PLXNC1: variants seen among roughly 807,000 people sequenced by gnomAD.
The protein encoded by PLXNC1 is plexin C1, also known as plexin-C1.
A neutral mutation model predicts 178.2 loss-of-function variants in PLXNC1; 75 were observed. The ratio of observed to expected loss-of-function variants is 0.42; its 90% CI spans 0.35 to 0.51. The LOEUF (loss-of-function observed/expected upper bound fraction) is 0.51, where lower values mean the gene tolerates loss of function less well. Among genes scored for constraint, PLXNC1 ranks in the 20% least tolerant of loss-of-function variants. The pLI is 0.02. For missense variants in PLXNC1, 1,503 were observed against 1,984.4 expected (o/e 0.76, Z 4.61); for synonymous variants, 790 against 779.9 (o/e 1.01, Z -0.22).
intron 5 of PLXNC1, among the ~76,000 whole-genome samples, chr12:94,216,182 C>G (rs1222517415): frequency 1.3e-5 from 2 of 151,582 alleles, no homozygotes; most frequent in African/African-American, 4.9e-5. Flanking sequence ...GCAGGAGAAT[C>G]GCTTAAATCT....
chr12:94,190,516 G>C (rs965654193), intron 4 of PLXNC1, among the ~76,000 whole-genome samples: 9 of 152,152 alleles, frequency 5.9e-5, no homozygotes, highest in Non-Finnish European at 1.0e-4. Flanking sequence ...GTTAGAATTA[G>C]AGACGTGGGC....
intron 2 of PLXNC1, among the ~76,000 whole-genome samples, chr12:94,170,928 T>C (rs1961819256): frequency 6.6e-6 from 1 of 152,184 alleles, no homozygotes; most frequent in Non-Finnish European, 1.5e-5. Flanking sequence ...TGGTCAGGCT[T>C]ATTGGACCCA....
At chr12:94,281,530 C>T (rs61927165) in intron 22 of PLXNC1, among the ~76,000 whole-genome samples, 117 of 152,148 alleles carry the variant, frequency 7.7e-4, no homozygotes, top group East Asian at 2.1e-3. Context: ...CTAGACTGTT[C>T]GATTTTCTTT....
rs755219580 is a variant in PLXNC1, at chr12:94,186,394, A to C, written c.1360A>C (p.Asn454His). Reference sequence around the variant, plus strand: ...TTAGGTGAGGAGAATTCGTGTTGCAAACTGCAATAAACATAAATCCTGTTC... The same window carrying C: ...TTAGGTGAGGAGAATTCGTGTTGCACACTGCAATAAACATAAATCCTGTTC... ...GKEVRRIRVA[N>H]CNKHKSCSEC... Residue 454 changes from asparagine to histidine, a missense_variant, in exon 4 of 31, where the codon AAC becomes CAC. Coordinates refer to ENST00000258526, the MANE Select transcript of PLXNC1 (RefSeq NM_005761.3). 6.2e-7 allele frequency: 1 copy of C among 1,613,110 alleles called. No individual in the cohort carries two copies. The highest frequency in any genetic ancestry group is 8.5e-7 in the Non-Finnish European group (1 of 1,179,048).
intron 4 of PLXNC1, among the ~76,000 whole-genome samples, chr12:94,191,188 C>A (rs1041551269): frequency 1.3e-5 from 2 of 152,184 alleles, no homozygotes; most frequent in African/African-American, 4.8e-5. Flanking sequence ...ACAGCCATGT[C>A]AGAAACCACT....
intron 5 of PLXNC1, among the ~76,000 whole-genome samples, chr12:94,218,077 T>C (rs578036656): frequency 3.5e-4 from 54 of 152,344 alleles, no homozygotes; most frequent in African/African-American, 9.9e-4. Context: ...ATTTAAGACA[T>C]ATATGTATAC....
In PLXNC1 at chr12:94,305,167, C is replaced by CTAA. The variant is rs773351182; in HGVS notation, c.4603-12_4603-10dup. 2.0e-6 allele frequency: 3 copies of CTAA among 1,538,346 alleles called. No homozygotes were observed. In the East Asian group the frequency reaches 6.9e-5, roughly 35 times the overall value. On this transcript the variant is annotated splice_polypyrimidine_tract_variant and intron_variant, in intron 30 of 30. Transcript: ENST00000258526. Reference sequence around the variant, plus strand: ...AACCACAATATCTAAAATAACTGTTCTAATTGTCAACAGATTCTAAATAAA... The same window carrying CTAA: ...AACCACAATATCTAAAATAACTGTTCTAATAATTGTCAACAGATTCTAAATAAA...
At chr12:94,286,480 T>C (rs1376181349) in intron 23 of PLXNC1, among the ~76,000 whole-genome samples, 1 of 152,132 alleles carries the variant, frequency 6.6e-6, no homozygotes. Context: ...GGGCTGAAGT[T>C]TGCTTTTACC....
At chr12:94,226,465 C>T (rs1307617045) in intron 7 of PLXNC1, 140 bp from the exon 8 acceptor site, 10 of 604,558 alleles carry the variant, frequency 1.7e-5, no homozygotes, top group Non-Finnish European at 2.6e-5. Context: ...GGCACAAAGC[C>T]TCACAGGAAT....
At chr12:94,249,155 G>T (rs1267200518) in intron 14 of PLXNC1, among the ~76,000 whole-genome samples, 1 of 152,174 alleles carries the variant, frequency 6.6e-6, no homozygotes, top group African/African-American at 2.4e-5. Flanking sequence ...CCAGTTAATA[G>T]CTCTGTGGCC....
intron 9 of PLXNC1, among the ~76,000 whole-genome samples, chr12:94,233,917 C>T (rs968779651): frequency 4.6e-5 from 7 of 152,126 alleles, no homozygotes; most frequent in Non-Finnish European, 1.0e-4. Flanking sequence ...AATCCTGAAC[C>T]GAATACTCAC....
At position 94,239,074 on chromosome 12, in the gene PLXNC1, C is replaced by G. The variant is rs569324554; in HGVS notation, c.2120+1271C>G. 1.8e-3 allele frequency among the ~76,000 whole-genome samples: 277 copies of G among 152,272 alleles called. 3 individuals carry two copies. Among genetic ancestry groups the G allele is most frequent in the African/African-American group, 6.4e-3 (267 of 41,554 alleles). On this transcript the variant is annotated intron_variant, in intron 10 of 30. Coordinates refer to ENST00000258526, the MANE Select transcript of PLXNC1 (RefSeq NM_005761.3). ...TCGGAGCATTACCCTGTTTCTGACT[C>G]TTTATGTTCTCATTTTAATTCCGAA...
At chr12:94,177,235 A>ATG (rs1293482881) in intron 2 of PLXNC1, among the ~76,000 whole-genome samples, 1 of 81,576 alleles carries the variant, frequency 1.2e-5, no homozygotes, top group African/African-American at 5.5e-5. Flanking sequence ...ATATACATAT[A>ATG]TATATATATA....
At chr12:94,247,052 G>A (rs1034587409) in intron 12 of PLXNC1, among the ~76,000 whole-genome samples, 1 of 152,002 alleles carries the variant, frequency 6.6e-6, no homozygotes, top group Non-Finnish European at 1.5e-5. Flanking sequence ...TTTATGTTAT[G>A]TATTTACTAA....
intron 27 of PLXNC1, 48 bp downstream of exon 27, chr12:94,298,843 A>ATATT (rs749689569): frequency 6.5e-7 from 1 of 1,527,070 alleles, no homozygotes; most frequent in South Asian, 1.2e-5. Flanking sequence ...CTGGGACAGA[A>ATATT]TATTAACTAA....
At chr12:94,232,776 G>A (rs1964138860) in intron 9 of PLXNC1, among the ~76,000 whole-genome samples, 1 of 152,184 alleles carries the variant, frequency 6.6e-6, no homozygotes, top group South Asian at 2.1e-4. Context: ...AAGATTCGCT[G>A]AGCCTGTGCC....
At chr12:94,169,398 A>G in intron 2 of PLXNC1, 105 bp downstream of exon 2, 2 of 950,252 alleles carry the variant, frequency 2.1e-6, no homozygotes, top group Non-Finnish European at 3.2e-6. Context: ...GACCAAACCA[A>G]GAACTTCATG....
chr12:94,289,635 ACT>A (rs1967073855), intron 23 of PLXNC1, among the ~76,000 whole-genome samples: 1 of 151,954 alleles, frequency 6.6e-6, no homozygotes. Flanking sequence ...TCTTTTTAAC[ACT>A]CTGCATTCCA....
At chr12:94,290,483 C>T (rs545023416) in intron 23 of PLXNC1, among the ~76,000 whole-genome samples, 159 of 152,366 alleles carry the variant, frequency 1.0e-3, no homozygotes, top group African/African-American at 3.3e-3. Flanking sequence ...TTTGCAGAGG[C>T]CTGATGGCCC....
Sources: gnomAD v4.1 joint callset for allele counts (sites outside exome capture counted in the v4.1 genomes callset) on GRCh38, gnomAD v4.1.1 for gene constraint, MANE v1.5 for transcripts, NCBI Gene and HGNC (gene_info 2026-07-23, HGNC 2026-07-21) for gene names.